PLXNA4: variants seen among roughly 807,000 people sequenced by gnomAD.
PLXNA4 encodes plexin-A4.
Under a neutral mutation model 191.8 loss-of-function variants are expected in PLXNA4, and 44 were observed. The ratio of observed to expected loss-of-function variants is 0.23; its 90% CI spans 0.18 to 0.29. The LOEUF is 0.29. Among genes scored for constraint, PLXNA4 ranks in the 10% least tolerant of loss-of-function variants. PLXNA4 has a pLI of 1.00. For missense variants in PLXNA4, 1,800 were observed against 2,488.8 expected (o/e 0.72, Z 5.89); for synonymous variants, 1,082 against 1,009.5 (o/e 1.07, Z -1.36).
chr7:132,512,018 A>T (rs1339143672), intron 1 of PLXNA4, among the ~76,000 whole-genome samples: 3 of 152,104 alleles, frequency 2.0e-5, no homozygotes, highest in Non-Finnish European at 4.4e-5. Context: ...CTTTATGTGA[A>T]TTCACTCCAG....
Position 132,181,388 on chromosome 7 carries a change from A to G in PLXNA4, c.3485T>C (p.Ile1162Thr), listed in dbSNP as rs779467599. 6.2e-7 allele frequency: 1 copy of G among 1,611,878 alleles called. No homozygotes were observed. The highest frequency in any genetic ancestry group is 1.7e-5 in the Admixed American group (1 of 59,916). The change falls in exon 18 of 32, where the codon ATC (isoleucine) becomes ACC (threonine). Residue 1162 changes from isoleucine (I) to threonine (T), a missense_variant. Physicochemically the swap from Ile to Thr is moderately conservative, Grantham distance 89. Coordinates refer to ENST00000321063, the MANE Select transcript of PLXNA4 (RefSeq NM_020911.2). ...CCACCACCCTCACTCCACCTTTAGG[A>G]TGATGGGCGTGCCAGGCTTGAGCTC... is the stretch of plus-strand genomic sequence containing the variant. ...ILELKPGTPI[I>T]LKGKNLIPPV... is the part of the protein sequence containing the mutation.
chr7:132,309,563 G>T (rs1483670712), intron 3 of PLXNA4, among the ~76,000 whole-genome samples: 15 of 152,224 alleles, frequency 9.9e-5, no homozygotes. Context: ...CAGTGACAAA[G>T]GGGTTAATGC....
intron 3 of PLXNA4, chr7:132,384,735 C>A: frequency 9.6e-7 from 1 of 1,041,496 alleles, no homozygotes; most frequent in Non-Finnish European, 1.1e-6. Flanking sequence ...CCTTTAAACA[C>A]AGATAAGCAT....
rs576869359 is a variant in PLXNA4 at position 132,208,136 on chromosome 7, G to T, written c.2298+2807C>A. 1.7e-3 allele frequency among the ~76,000 whole-genome samples: 265 copies of T among 152,314 alleles called. 1 individual carries two copies. The highest frequency in any genetic ancestry group is 6.1e-3 in the African/African-American group (254 of 41,554). On this transcript the variant is annotated intron_variant, in intron 10 of 31. Coordinates refer to ENST00000321063, the MANE Select transcript of PLXNA4 (RefSeq NM_020911.2). ...GATATTTGATGGAAATTGCTTGATG[G>T]TAAGAAGCAACCTGACCCAGACCAG... is the stretch of plus-strand genomic sequence containing the variant.
chr7:132,424,877 C>T (rs1235724180), intron 3 of PLXNA4, among the ~76,000 whole-genome samples: 2 of 152,210 alleles, frequency 1.3e-5, no homozygotes, highest in Non-Finnish European at 2.9e-5. Flanking sequence ...AGAGCCGAGT[C>T]CTGACCATGG....
intron 4 of PLXNA4, among the ~76,000 whole-genome samples, chr7:132,261,393 A>G (rs1274339070): frequency 6.6e-6 from 1 of 152,254 alleles, no homozygotes; most frequent in Non-Finnish European, 1.5e-5. Flanking sequence ...GAACAAGGGC[A>G]GTGTGTGCAC....
At chr7:132,294,867 A>G (rs941461654) in intron 4 of PLXNA4, among the ~76,000 whole-genome samples, 1 of 152,214 alleles carries the variant, frequency 6.6e-6, no homozygotes, top group Admixed American at 6.5e-5. Flanking sequence ...CTATGTGAGG[A>G]CACAGTGAGA....
intron 25 of PLXNA4, among the ~76,000 whole-genome samples, chr7:132,156,131 G>T (rs1411870533): frequency 1.3e-5 from 1 of 74,544 alleles, no homozygotes; most frequent in Non-Finnish European, 2.5e-5. Flanking sequence ...TCTGTTTCTG[G>T]ACATACACAC....
At chr7:132,257,124 G>A (rs187191067) in intron 4 of PLXNA4, among the ~76,000 whole-genome samples, 126 of 152,278 alleles carry the variant, frequency 8.3e-4, no homozygotes, top group Admixed American at 2.6e-3. Context: ...TGTGACCAAC[G>A]GCTGCTCTAT....
chr7:132,406,189 C>T (rs1794212228), intron 3 of PLXNA4, among the ~76,000 whole-genome samples: 1 of 152,214 alleles, frequency 6.6e-6, no homozygotes. Flanking sequence ...TTTCTGCATC[C>T]TTCCAATGAC....
chr7:132,312,676 C>T (rs1164856735), intron 3 of PLXNA4, among the ~76,000 whole-genome samples: 3 of 152,170 alleles, frequency 2.0e-5, no homozygotes, highest in Non-Finnish European at 4.4e-5. Context: ...AGGGCTTCTA[C>T]GCAGCTCTGC....
Position 132,210,960 on chromosome 7 carries a change from G to T in PLXNA4, c.2281C>A (p.Gln761Lys). The stretch of plus-strand genomic sequence containing the variant: ...CGACTCACAGAGGTGTTCTGGCACT[G>T]TACGCTGGAGCTGTTGAAGCGCAGG... ...PALRFNSSSV[Q>K]CQNTSYSYEG... Residue 761 changes from glutamine (Q) to lysine (K), a missense_variant, in exon 10 of 32, where the codon CAG becomes AAG. This residue lies in a region of PLXNA4 where 1,397 missense variants were observed against 1,880.4 expected (regional missense o/e 0.74). Coordinates refer to ENST00000321063, the MANE Select transcript of PLXNA4 (RefSeq NM_020911.2). 6.2e-7 allele frequency: 1 copy of T among 1,612,564 alleles called. No individual in the cohort carries two copies. The highest frequency in any genetic ancestry group is 1.1e-5 in the South Asian group (1 of 91,022).
At chr7:132,614,558 G>A (rs538282489) in intron 2 of PLXNA4, among the ~76,000 whole-genome samples, 1 of 152,366 alleles carries the variant, frequency 6.6e-6, no homozygotes, top group South Asian at 2.1e-4. Flanking sequence ...AGCAGTGTTG[G>A]AGCAGAGGTT....
intron 3 of PLXNA4, among the ~76,000 whole-genome samples, chr7:132,452,203 C>A (rs1244595084): frequency 6.6e-6 from 1 of 152,354 alleles, no homozygotes; most frequent in East Asian, 1.9e-4. Flanking sequence ...AAACCTTTAT[C>A]TGTCATCATC....
chr7:132,198,768 G>A, intron 12 of PLXNA4, 132 bp from the exon 13 acceptor site: 1 of 1,396,630 alleles, frequency 7.2e-7, no homozygotes. Flanking sequence ...GTCACCAAGG[G>A]CACCCAAAGC....
rs1001494948 is a variant in PLXNA4 at position 132,126,661 on chromosome 7, A to ACAGT, written c.*3814_*3817dup. On this transcript the variant is annotated 3_prime_UTR_variant, in exon 32 of 32. Coordinates refer to ENST00000321063, the MANE Select transcript of PLXNA4 (RefSeq NM_020911.2). ...TGCTTCTTCCTGGGAACAGTCCTGG[A>ACAGT]CAGTCTGCCTCAAACTTTGGGATTT... The ACAGT allele has an allele frequency of 6.5e-4, 98 of 151,814 alleles. No individual in the cohort carries two copies. The highest frequency in any genetic ancestry group is 2.2e-3 in the African/African-American group (93 of 41,522). The allele number at this position is 151,814 out of a possible 1,614,324, so 9.4% of individuals were successfully genotyped here.
chr7:132,579,331 A>T (rs1247660163), upstream of PLXNA4, among the ~76,000 whole-genome samples: 1 of 152,114 alleles, frequency 6.6e-6, no homozygotes, highest in Non-Finnish European at 1.5e-5. Flanking sequence ...GAAGGGGGGA[A>T]GGTGAGAAAA....
chr7:132,542,102 CTG>C (rs1368203318), intron 1 of PLXNA4, among the ~76,000 whole-genome samples: 3 of 152,086 alleles, frequency 2.0e-5, no homozygotes, highest in African/African-American at 7.2e-5. Flanking sequence ...TGGGTGGTCT[CTG>C]TGTTTTCTTG....
chr7:132,437,810 G>A (rs1290619241), intron 3 of PLXNA4, among the ~76,000 whole-genome samples: 1 of 152,184 alleles, frequency 6.6e-6, no homozygotes, highest in African/African-American at 2.4e-5. Flanking sequence ...GTCAGCAGCA[G>A]GAGGGTCATG....
Sources: gnomAD v4.1 joint callset for allele counts (sites outside exome capture counted in the v4.1 genomes callset) on GRCh38, gnomAD v4.1.1 for gene constraint, gnomAD v4.1.1 regional missense constraint, MANE v1.5 for transcripts, NCBI Gene and HGNC (gene_info 2026-07-23, HGNC 2026-07-21) for gene names.